LRRC4C: variants seen among roughly 807,000 people sequenced by gnomAD.
LRRC4C encodes leucine-rich repeat-containing protein 4C.
Under a neutral mutation model 33.6 loss-of-function variants are expected in LRRC4C, and 5 were observed. The observed-to-expected ratio is 0.15, with a 90% CI of 0.08 to 0.31. LRRC4C has a LOEUF of 0.31. Ranked by LOEUF, LRRC4C falls within the 10% of genes least tolerant of loss-of-function variation. The pLI is 1.00. For synonymous variants in LRRC4C, 329 were observed against 302.0 expected (o/e 1.09, Z -0.93); for missense variants, 560 against 796.7 (o/e 0.70, Z 3.58).
At chr11:41,209,056 G>A (rs1565481107) in intron 1 of LRRC4C, among the ~76,000 whole-genome samples, 1 of 151,394 alleles carries the variant, frequency 6.6e-6, no homozygotes, top group Non-Finnish European at 1.5e-5. Context: ...AAAGGTGGGA[G>A]GAGGAAGAGG....
intron 3 of LRRC4C, among the ~76,000 whole-genome samples, chr11:40,552,030 G>A (rs1219448346): frequency 6.6e-6 from 1 of 152,228 alleles, no homozygotes; most frequent in Non-Finnish European, 1.5e-5. Context: ...CAAGGCAGAA[G>A]TAATTCTATC....
At chr11:40,441,417 C>A (rs561425732) in intron 3 of LRRC4C, among the ~76,000 whole-genome samples, 2 of 152,234 alleles carry the variant, frequency 1.3e-5, no homozygotes, top group African/African-American at 2.4e-5. Flanking sequence ...TTGTTTAGTA[C>A]GATTCGCTGT....
At chr11:41,359,076 A>C (rs1451922537) in intron 1 of LRRC4C, among the ~76,000 whole-genome samples, 1 of 152,082 alleles carries the variant, frequency 6.6e-6, no homozygotes, top group Non-Finnish European at 1.5e-5. Flanking sequence ...ACTTAAATGC[A>C]TATTACTAAG....
chr11:41,379,170 T>C lies in LRRC4C; in HGVS notation c.-496+80261A>G, dbSNP rs112000271. On this transcript the variant is annotated intron_variant, in intron 1 of 6. Coordinates refer to ENST00000528697, the MANE Select transcript of LRRC4C (RefSeq NM_001258419.2). ...TAATCTAAGTGGAGCTCACCTCTTTTGGATTAGTAACTCCCAAGTAACTTG... is the reference window on the plus strand; with the variant it reads ...TAATCTAAGTGGAGCTCACCTCTTTCGGATTAGTAACTCCCAAGTAACTTG... Among the ~76,000 whole-genome samples the C allele has an allele frequency of 5.5e-3, 836 of 152,270 alleles. 6 individuals carry two copies. Among genetic ancestry groups the C allele is most frequent in the African/African-American group, 0.019 (790 of 41,560 alleles).
In LRRC4C at chr11:40,451,366, C is replaced by CTTTTTTTTTTTTTTT. The variant is rs71060962; in HGVS notation, c.-269-131660_-269-131646dup. 1.1e-4 allele frequency among the ~76,000 whole-genome samples: 5 copies of CTTTTTTTTTTTTTTT among 47,058 alleles called. 1 individual carries two copies. Among genetic ancestry groups the CTTTTTTTTTTTTTTT allele is most frequent in the African/African-American group, 3.7e-4 (4 of 10,736 alleles). 30.9% of individuals were successfully genotyped at this position (47,058 alleles called of 152,430 possible). On this transcript the variant is annotated intron_variant, in intron 3 of 6. Coordinates refer to ENST00000528697, the MANE Select transcript of LRRC4C (RefSeq NM_001258419.2). ...ACTATTAGCCTTACAGAAATAATGACTTTTTTTTTTTTTTTTTTTTTTTTT... is the reference window on the plus strand; with the variant it reads ...ACTATTAGCCTTACAGAAATAATGACTTTTTTTTTTTTTTTTTTTTTTTTTTTTTTTTTTTTTTTT...
At chr11:40,781,814 C>A (rs1950222401) in intron 2 of LRRC4C, among the ~76,000 whole-genome samples, 1 of 152,228 alleles carries the variant, frequency 6.6e-6, no homozygotes, top group African/African-American at 2.4e-5. Context: ...TTAGTTCACA[C>A]CTAAAAGCAC....
rs190938292 is a variant in LRRC4C at position 40,588,435 on chromosome 11, A to G, written c.-270+59707T>C. On this transcript the variant is annotated intron_variant, in intron 3 of 6. Coordinates refer to ENST00000528697, the MANE Select transcript of LRRC4C (RefSeq NM_001258419.2). ...ATCCTTTCAAAAAACCAGCTCCTGG[A>G]TTCATTAATTTTTTGAAGGGTTTTT... Among the ~76,000 whole-genome samples, 496 of 151,752 alleles carry G rather than the reference A, an allele frequency of 3.3e-3. 3 individuals carry two copies. The highest frequency in any genetic ancestry group is 5.2e-3 in the Non-Finnish European group (355 of 67,940).
chr11:40,473,914 CAAGGAGAACT>C, intron 3 of LRRC4C, among the ~76,000 whole-genome samples: 1 of 152,196 alleles, frequency 6.6e-6, no homozygotes, highest in Non-Finnish European at 1.5e-5. Context: ...AGAAACTCTT[CAAGGAGAACT>C]ACAAACCACT....
intron 3 of LRRC4C, among the ~76,000 whole-genome samples, chr11:40,580,884 G>A (rs1329459932): frequency 6.6e-6 from 1 of 152,182 alleles, no homozygotes; most frequent in African/African-American, 2.4e-5. Context: ...AAAAAGTTTT[G>A]ATAGCTACCA....
At chr11:40,643,686 A>G (rs1942261812) in intron 3 of LRRC4C, among the ~76,000 whole-genome samples, 1 of 152,150 alleles carries the variant, frequency 6.6e-6, no homozygotes. Context: ...AGTCATTCCT[A>G]TTCCTCCCAG....
intron 2 of LRRC4C, among the ~76,000 whole-genome samples, chr11:40,690,080 A>G (rs1478386280): frequency 6.6e-6 from 1 of 152,104 alleles, no homozygotes; most frequent in Non-Finnish European, 1.5e-5. Flanking sequence ...CCCAGCTTAG[A>G]CAGTTATTTT....
intron 3 of LRRC4C, among the ~76,000 whole-genome samples, chr11:40,320,306 C>T (rs1007621407): frequency 6.6e-6 from 1 of 152,088 alleles, no homozygotes; most frequent in Admixed American, 6.6e-5. Context: ...GAGATCGAGA[C>T]CATCCTGTCT....
At chr11:40,337,104 C>T (rs1590358208) in intron 3 of LRRC4C, among the ~76,000 whole-genome samples, 1 of 149,028 alleles carries the variant, frequency 6.7e-6, no homozygotes, top group East Asian at 2.0e-4. Context: ...GCTGAAGAAA[C>T]TCATGTACAG....
At chr11:41,414,145 C>T (rs1306391403) in intron 1 of LRRC4C, among the ~76,000 whole-genome samples, 2 of 152,122 alleles carry the variant, frequency 1.3e-5, no homozygotes, top group East Asian at 1.9e-4. Context: ...TAAATAATGC[C>T]TAGCACATTG....
chr11:40,609,463 T>C (rs1248555134), intron 3 of LRRC4C, among the ~76,000 whole-genome samples: 1 of 151,270 alleles, frequency 6.6e-6, no homozygotes, highest in African/African-American at 2.4e-5. Flanking sequence ...AAGAAATATC[T>C]CAAATAAACA....
chr11:41,222,424 A>G (rs1227055025), intron 1 of LRRC4C, among the ~76,000 whole-genome samples: 2 of 152,190 alleles, frequency 1.3e-5, no homozygotes, highest in African/African-American at 2.4e-5. Context: ...ACTGGCAACA[A>G]CTGAGTACTC....
At position 41,091,757 on chromosome 11, in the gene LRRC4C, T is replaced by C. The variant is rs540313900; in HGVS notation, c.-495-158034A>G. On this transcript the variant is annotated intron_variant, in intron 1 of 6. Transcript: ENST00000528697. ...TAATGACAAATATTTCTTCTATTTT[T>C]ATTAATAATAGTTAACATTTTTGAA... 1.4e-4 allele frequency among the ~76,000 whole-genome samples: 21 copies of C among 152,302 alleles called. No individual in the cohort carries two copies. The South Asian group carries it at 3.7e-3, about 27-fold the overall frequency.
intron 5 of LRRC4C, among the ~76,000 whole-genome samples, chr11:40,153,497 G>T (rs1263972340): frequency 6.6e-6 from 1 of 151,938 alleles, no homozygotes; most frequent in Non-Finnish European, 1.5e-5. Context: ...AATCAGGGAG[G>T]GACCAGAGAA....
At chr11:40,618,573 T>C (rs1036007139) in intron 3 of LRRC4C, among the ~76,000 whole-genome samples, 9 of 151,772 alleles carry the variant, frequency 5.9e-5, no homozygotes, top group Non-Finnish European at 1.2e-4. Flanking sequence ...TGGGAAAACT[T>C]ACCCTAGCCC....
Sources: gnomAD v4.1 joint callset for allele counts (sites outside exome capture counted in the v4.1 genomes callset) on GRCh38, gnomAD v4.1.1 for gene constraint, MANE v1.5 for transcripts, NCBI Gene and HGNC (gene_info 2026-07-23, HGNC 2026-07-21) for gene names.